Variants in RETREG1 observed in about 807,000 individuals in gnomAD.
RETREG1 encodes the protein reticulophagy regulator 1.
In RETREG1, 44 loss-of-function variants were observed where a neutral mutation model predicts 54.8. The ratio of observed to expected loss-of-function variants is 0.80; its 90% CI spans 0.63 to 1.03. The LOEUF (loss-of-function observed/expected upper bound fraction) is 1.03, where lower values mean the gene tolerates loss of function less well. Among genes scored for constraint, RETREG1 ranks in the 50% least tolerant of loss-of-function variants. RETREG1 has a pLI of 0.00. For synonymous variants in RETREG1, 217 were observed against 238.5 expected (o/e 0.91, Z 0.83); for missense variants, 554 against 605.1 (o/e 0.92, Z 0.89).
At chr5:16,514,967 A>T (rs13170268) in intron 3 of RETREG1, among the ~76,000 whole-genome samples, 5,209 of 147,360 alleles carry the variant, frequency 0.035, 326 homozygotes, top group African/African-American at 0.12. Flanking sequence ...TATATATATT[A>T]TATATATATA....
At chr5:16,518,752 G>A (rs79273724) in intron 3 of RETREG1, among the ~76,000 whole-genome samples, 2,330 of 152,236 alleles carry the variant, frequency 0.015, 39 homozygotes, top group Middle Eastern at 0.051. Context: ...CTGCCTTTGA[G>A]AAGCTGACTG....
At position 16,540,949 on chromosome 5, in the gene RETREG1, A is replaced by G. The variant is rs575193823; in HGVS notation, c.458+24814T>C. On this transcript the variant is annotated intron_variant, in intron 3 of 8. Coordinates refer to ENST00000306320, the MANE Select transcript of RETREG1 (RefSeq NM_001034850.3). ...ACGGGGAAAAGCATGGATTCAGTCA[A>G]CTGACAGGTAAACAAGTACTTATTA... is the stretch of plus-strand genomic sequence containing the variant. Among the ~76,000 whole-genome samples, 7 of 152,306 alleles carry G rather than the reference A, an allele frequency of 4.6e-5. No individual in the cohort carries two copies. The East Asian group carries it at 9.7e-4, about 21-fold the overall frequency.
chr5:16,539,370 C>T (rs1307472068), intron 3 of RETREG1, among the ~76,000 whole-genome samples: 1 of 152,166 alleles, frequency 6.6e-6, no homozygotes, highest in Non-Finnish European at 1.5e-5. Flanking sequence ...CCCTGAATGT[C>T]ATCAGAGTCC....
chr5:16,605,559 C>T (rs1743164162), intron 1 of RETREG1, among the ~76,000 whole-genome samples: 1 of 152,182 alleles, frequency 6.6e-6, no homozygotes, highest in East Asian at 1.9e-4. Context: ...TAGCTTCTGA[C>T]ATTCAAACTA....
At chr5:16,503,016 C>T (rs1339795183) in intron 3 of RETREG1, among the ~76,000 whole-genome samples, 1 of 152,232 alleles carries the variant, frequency 6.6e-6, no homozygotes, top group Non-Finnish European at 1.5e-5. Flanking sequence ...CTGCAGCCCT[C>T]CTTGGGCATG....
intron 3 of RETREG1, among the ~76,000 whole-genome samples, chr5:16,528,478 G>C (rs77838115): frequency 2.6e-5 from 4 of 152,112 alleles, no homozygotes; most frequent in African/African-American, 7.2e-5. Flanking sequence ...CCACCTGCCT[G>C]GGACAGGAGT....
Position 16,475,054 on chromosome 5 carries a change from G to C in RETREG1, c.1181C>G (p.Ala394Gly). The change falls in exon 9 of 9, where the codon GCT becomes GGT. Residue 394 changes from alanine to glycine, a missense_variant. Ala to Gly is a moderately conservative substitution (Grantham distance 60, BLOSUM62 0). This residue lies in a region of RETREG1 where 347 missense variants were observed against 412.3 expected (regional missense o/e 0.84). Coordinates refer to ENST00000306320, the MANE Select transcript of RETREG1 (RefSeq NM_001034850.3). ...ACTGTTCAGAGGAAGGGTGAGACCA[G>C]CTGCTGATTGCGTCTCTTTGCTTGG... ...HRPSKETQSAAGLTLPLNSDQ... is the reference protein window; with the variant it reads ...HRPSKETQSAGGLTLPLNSDQ... 1 of 1,613,932 alleles carries C rather than the reference G, an allele frequency of 6.2e-7. No homozygotes were observed. The highest frequency in any genetic ancestry group is 8.5e-7 in the Non-Finnish European group (1 of 1,179,914).
At chr5:16,539,094 C>A (rs1030068595) in intron 3 of RETREG1, among the ~76,000 whole-genome samples, 1 of 152,140 alleles carries the variant, frequency 6.6e-6, no homozygotes, top group African/African-American at 2.4e-5. Flanking sequence ...AAAGCCCAGA[C>A]ATCAGTATAA....
chr5:16,616,771 C>G lies in RETREG1; in HGVS notation c.201G>C (p.Ala67=), dbSNP rs1743526281. ...VEEAAGRAAA[A]VTWLLGEPVL... is the part of the protein sequence containing the mutation. ...CCGGCTCCCCGAGCAGCCAGGTTAC[C>G]GCGGCCGCCGCCCGGCCCGCGGCCT... is the stretch of plus-strand genomic sequence containing the variant. Residue 67 remains alanine, a synonymous_variant, in exon 1 of 9, where the codon GCG becomes GCC. Transcript: ENST00000306320. 6.5e-7 allele frequency: 1 copy of G among 1,541,400 alleles called. No homozygotes were observed. Among genetic ancestry groups the G allele is most frequent in the Non-Finnish European group, 8.7e-7 (1 of 1,151,336 alleles).
At chr5:16,581,245 G>A (rs910253117) in intron 1 of RETREG1, among the ~76,000 whole-genome samples, 3 of 152,192 alleles carry the variant, frequency 2.0e-5, no homozygotes, top group African/African-American at 7.2e-5. Context: ...AGGCAGGACT[G>A]CACGTGAGCT....
At chr5:16,606,540 A>G (rs977812639) in intron 1 of RETREG1, among the ~76,000 whole-genome samples, 4 of 152,058 alleles carry the variant, frequency 2.6e-5, no homozygotes, top group African/African-American at 9.7e-5. Context: ...ACATGGCCAA[A>G]CCTGGGCAAC....
intron 1 of RETREG1, among the ~76,000 whole-genome samples, chr5:16,608,989 T>C (rs921516895): frequency 2.6e-5 from 4 of 152,218 alleles, no homozygotes; most frequent in Non-Finnish European, 4.4e-5. Flanking sequence ...ATTACCCAGC[T>C]TCAGCACTTA....
intron 3 of RETREG1, among the ~76,000 whole-genome samples, chr5:16,537,855 G>A (rs1429756940): frequency 1.3e-5 from 2 of 152,152 alleles, no homozygotes; most frequent in African/African-American, 2.4e-5. Flanking sequence ...ATCCCTGCCT[G>A]GGACCAGTCT....
intron 3 of RETREG1, among the ~76,000 whole-genome samples, chr5:16,518,271 A>T (rs1740424551): frequency 6.7e-6 from 1 of 148,328 alleles, no homozygotes; most frequent in South Asian, 2.1e-4. Flanking sequence ...ATACTGATTT[A>T]TATATTTATA....
chr5:16,555,884 T>C (rs1157334491), intron 3 of RETREG1, among the ~76,000 whole-genome samples: 1 of 152,214 alleles, frequency 6.6e-6, no homozygotes, highest in African/African-American at 2.4e-5. Context: ...AAGAGAAATG[T>C]TAACTACTAA....
At chr5:16,506,172 C>T (rs574687081) in intron 3 of RETREG1, among the ~76,000 whole-genome samples, 14 of 152,300 alleles carry the variant, frequency 9.2e-5, no homozygotes, top group East Asian at 1.9e-4. Context: ...TATGAAGCTG[C>T]GGAGCATTTG....
intron 6 of RETREG1, among the ~76,000 whole-genome samples, chr5:16,478,440 C>A (rs887545459): frequency 2.0e-5 from 3 of 152,090 alleles, no homozygotes; most frequent in African/African-American, 7.2e-5. Flanking sequence ...CTTTAATAAG[C>A]CCTCCACGTG....
At chr5:16,500,679 C>T (rs1739671086) in intron 3 of RETREG1, among the ~76,000 whole-genome samples, 1 of 152,174 alleles carries the variant, frequency 6.6e-6, no homozygotes. Flanking sequence ...ACTCATCTCT[C>T]TATAAGATGC....
chr5:16,480,667 TGTG>T (rs1561079267), intron 5 of RETREG1, among the ~76,000 whole-genome samples: 1 of 152,118 alleles, frequency 6.6e-6, no homozygotes, highest in Non-Finnish European at 1.5e-5. Context: ...GGTATTTCAT[TGTG>T]GTTTTAATTA....
Sources: gnomAD v4.1 joint callset for allele counts (sites outside exome capture counted in the v4.1 genomes callset) on GRCh38, gnomAD v4.1.1 for gene constraint, gnomAD v4.1.1 regional missense constraint, MANE v1.5 for transcripts, NCBI Gene and HGNC (gene_info 2026-07-23, HGNC 2026-07-21) for gene names.